Variants in SLC25A12 observed in about 807,000 individuals in gnomAD.
The protein encoded by SLC25A12 is electrogenic aspartate/glutamate antiporter SLC25A12, mitochondrial.
SLC25A12 carries 32 observed loss-of-function variants against 83.3 expected under a neutral mutation model. The observed-to-expected ratio is 0.38, with a 90% CI of 0.29 to 0.52. The LOEUF (loss-of-function observed/expected upper bound fraction) is 0.52. SLC25A12 is among the 20% of genes least tolerant of loss of function. The pLI, the probability that SLC25A12 is intolerant of heterozygous loss-of-function variation, is 0.84. For synonymous variants in SLC25A12, 267 were observed against 291.1 expected (o/e 0.92, Z 0.84); for missense variants, 611 against 835.6 (o/e 0.73, Z 3.31).
intron 13 of SLC25A12, among the ~76,000 whole-genome samples, chr2:171,796,103 G>A (rs1435010128): frequency 6.6e-6 from 1 of 151,942 alleles, no homozygotes; most frequent in Non-Finnish European, 1.5e-5. Context: ...GCACCACCAC[G>A]CCCAGCTAAT....
chr2:171,868,385 C>T (rs544786909), intron 3 of SLC25A12, among the ~76,000 whole-genome samples: 84 of 145,586 alleles, frequency 5.8e-4, no homozygotes, highest in African/African-American at 2.0e-3. Context: ...TCGATCTCGG[C>T]GCACCACAAC....
At chr2:171,879,487 T>C (rs370204267) in intron 2 of SLC25A12, among the ~76,000 whole-genome samples, 21 of 152,142 alleles carry the variant, frequency 1.4e-4, no homozygotes, top group African/African-American at 3.4e-4. Flanking sequence ...ATGAAATCAA[T>C]TGAAGCTACC....
intron 8 of SLC25A12, among the ~76,000 whole-genome samples, chr2:171,828,480 T>C (rs774870614): frequency 9.9e-5 from 15 of 152,190 alleles, no homozygotes; most frequent in Non-Finnish European, 2.2e-4. Context: ...TGAGGACTTT[T>C]GGGGCCCACA....
intron 5 of SLC25A12, among the ~76,000 whole-genome samples, chr2:171,837,906 C>T (rs965758830): frequency 1.3e-5 from 2 of 152,188 alleles, no homozygotes; most frequent in African/African-American, 2.4e-5. Flanking sequence ...TACTCATAAA[C>T]TGTAAGACAG....
intron 13 of SLC25A12, among the ~76,000 whole-genome samples, chr2:171,808,568 T>C (rs1479402859): frequency 1.3e-5 from 2 of 152,228 alleles, no homozygotes; most frequent in African/African-American, 4.8e-5. Flanking sequence ...CATATATGAA[T>C]GGTAACTCTA....
At chr2:171,875,869 C>A (rs1297676137) in intron 2 of SLC25A12, among the ~76,000 whole-genome samples, 1 of 146,148 alleles carries the variant, frequency 6.8e-6, no homozygotes, top group Non-Finnish European at 1.5e-5. Flanking sequence ...GCCAAGATTG[C>A]GCCACTGCAC....
chr2:171,866,283 T>C (rs1211709264), intron 3 of SLC25A12, among the ~76,000 whole-genome samples: 1 of 142,852 alleles, frequency 7.0e-6, no homozygotes, highest in Non-Finnish European at 1.5e-5. Flanking sequence ...TTCCCCACCT[T>C]TCCCCCCTTT....
chr2:171,807,739 T>A (rs1415891569), intron 13 of SLC25A12, among the ~76,000 whole-genome samples: 1 of 152,240 alleles, frequency 6.6e-6, no homozygotes, highest in African/African-American at 2.4e-5. Flanking sequence ...TTTTTGGTGA[T>A]CCACCTAAGC....
chr2:171,838,643 A>T (rs914423577), intron 5 of SLC25A12, among the ~76,000 whole-genome samples: 3 of 152,214 alleles, frequency 2.0e-5, no homozygotes, highest in Admixed American at 2.0e-4. Context: ...TACCTTCAAG[A>T]TGAAGCAGAA....
At chr2:171,790,212 T>C (rs771570693) in intron 15 of SLC25A12, among the ~76,000 whole-genome samples, 1 of 152,196 alleles carries the variant, frequency 6.6e-6, no homozygotes, top group Non-Finnish European at 1.5e-5. Flanking sequence ...CCCTGATGTT[T>C]AGCCAGAGCC....
rs778051864 is a variant in SLC25A12 at position 171,787,917 on chromosome 2, G to A, written c.1616C>T (p.Ala539Val). The A allele has an allele frequency of 1.5e-5, 25 of 1,614,086 alleles. No homozygotes were observed. The South Asian group carries it at 2.5e-4, about 16-fold the overall frequency. Reference protein sequence around the residue: ...GVPAASLVTPADVIKTRLQVA... With the variant: ...GVPAASLVTPVDVIKTRLQVA... Reference sequence around the variant, plus strand: ...CTGCAGTCTTGTCTTGATGACATCAGCAGGGGTCACCAGAGATGCAGCTGG... The same window carrying A: ...CTGCAGTCTTGTCTTGATGACATCAACAGGGGTCACCAGAGATGCAGCTGG... Residue 539 changes from alanine (A) to valine (V), a missense_variant, in exon 16 of 18, where the codon GCT becomes GTT. Around this residue, in one of 3 missense-constraint regions of SLC25A12, gnomAD observed 540 missense variants for 777.5 expected, o/e 0.69. Coordinates refer to ENST00000422440, the MANE Select transcript of SLC25A12 (RefSeq NM_003705.5).
Position 171,890,859 on chromosome 2 carries a change from A to G in SLC25A12, c.66+2346T>C, listed in dbSNP as rs200976051. ...CATTCTATCACTCTCTTATCTATCA[A>G]TAATGCTTGTGTCAATGTTTCATAC... is the stretch of plus-strand genomic sequence containing the variant. On this transcript the variant is annotated intron_variant, in intron 2 of 17. Coordinates refer to ENST00000422440, the MANE Select transcript of SLC25A12 (RefSeq NM_003705.5). 4.6e-5 allele frequency among the ~76,000 whole-genome samples: 7 copies of G among 152,276 alleles called. No homozygotes were observed. The East Asian group carries it at 1.3e-3, about 29-fold the overall frequency.
At chr2:171,817,248 A>G (rs1039393126) in intron 9 of SLC25A12, among the ~76,000 whole-genome samples, 3 of 152,172 alleles carry the variant, frequency 2.0e-5, no homozygotes, top group Non-Finnish European at 4.4e-5. Flanking sequence ...CTCACATTTT[A>G]AAATCAATAT....
At chr2:171,894,171 C>T (rs755867712) in intron 1 of SLC25A12, 32 bp downstream of exon 1, 24 of 1,603,666 alleles carry the variant, frequency 1.5e-5, no homozygotes, top group Non-Finnish European at 2.0e-5. Context: ...GTCTCTTATG[C>T]AATAAAAGCA....
intron 2 of SLC25A12, among the ~76,000 whole-genome samples, chr2:171,887,927 G>A (rs781201729): frequency 2.0e-5 from 3 of 152,058 alleles, no homozygotes; most frequent in Non-Finnish European, 2.9e-5. Context: ...ATCAAAACTT[G>A]AGAAGCAATG....
chr2:171,821,463 G>C (rs1302890913), intron 9 of SLC25A12, among the ~76,000 whole-genome samples: 1 of 152,184 alleles, frequency 6.6e-6, no homozygotes, highest in African/African-American at 2.4e-5. Context: ...TGTGATGCTA[G>C]CAATTTCCAT....
intron 8 of SLC25A12, among the ~76,000 whole-genome samples, chr2:171,832,923 G>C (rs1412992873): frequency 6.6e-6 from 1 of 152,130 alleles, no homozygotes; most frequent in Admixed American, 6.5e-5. Flanking sequence ...TCGAAAATTA[G>C]CTGACAGGAC....
At chr2:171,814,387 G>C (rs1684004538) in intron 10 of SLC25A12, among the ~76,000 whole-genome samples, 1 of 151,910 alleles carries the variant, frequency 6.6e-6, no homozygotes, top group African/African-American at 2.4e-5. Context: ...CAAGCGATAA[G>C]GGAAAGGAAA....
At chr2:171,857,296 A>C (rs1257696085) in intron 3 of SLC25A12, among the ~76,000 whole-genome samples, 1 of 152,220 alleles carries the variant, frequency 6.6e-6, no homozygotes, top group Non-Finnish European at 1.5e-5. Context: ...GCTTGAGCCC[A>C]GGAAGTAGAG....
Sources: allele counts gnomAD v4.1 joint callset (sites outside exome capture counted in the v4.1 genomes callset), GRCh38; gene constraint gnomAD v4.1.1; regional missense constraint gnomAD v4.1.1; transcripts MANE v1.5; gene names NCBI Gene and HGNC (gene_info 2026-07-23, HGNC 2026-07-21).